Variants in GPR139 observed in about 807,000 individuals in gnomAD.
GPR139 encodes G protein-coupled receptor 139, also known as probable G protein-coupled receptor 139.
In GPR139, 12 loss-of-function variants were observed where a neutral mutation model predicts 25.8. The observed-to-expected ratio is 0.47, with a 90% CI of 0.30 to 0.75. GPR139 has a LOEUF of 0.75. GPR139 is among the 30% of genes least tolerant of loss of function. The pLI, the probability that GPR139 is intolerant of heterozygous loss-of-function variation, is 0.07. For missense variants in GPR139, 380 were observed against 450.2 expected (o/e 0.84, Z 1.41); for synonymous variants, 184 against 179.9 (o/e 1.02, Z -0.18).
intron 1 of GPR139, among the ~76,000 whole-genome samples, chr16:20,061,322 C>G (rs978156091): frequency 1.4e-5 from 2 of 142,900 alleles, no homozygotes; most frequent in African/African-American, 5.3e-5. Flanking sequence ...TGGATAGATG[C>G]GTGGATGGAT....
intron 1 of GPR139, among the ~76,000 whole-genome samples, chr16:20,065,249 T>A (rs934602989): frequency 6.6e-6 from 1 of 152,188 alleles, no homozygotes; most frequent in African/African-American, 2.4e-5. Context: ...TGTGAAACAA[T>A]GGACATTTCA....
At chr16:20,052,025 G>T in intron 1 of GPR139, among the ~76,000 whole-genome samples, 1 of 152,126 alleles carries the variant, frequency 6.6e-6, no homozygotes, top group East Asian at 1.9e-4. Context: ...TGGCCCCTTT[G>T]CCAGTCTCCA....
chr16:20,067,249 T>C (rs562898816), intron 1 of GPR139, among the ~76,000 whole-genome samples: 1 of 152,274 alleles, frequency 6.6e-6, no homozygotes, highest in East Asian at 1.9e-4. Flanking sequence ...AGCTACATCA[T>C]TGGTCTATGC....
At position 20,029,694 on chromosome 16, in the gene GPR139, G is replaced by C. The variant is rs1331806231; in HGVS notation, c.*2041C>G. On this transcript the variant is annotated 3_prime_UTR_variant, in exon 2 of 2. Coordinates refer to ENST00000570682, the MANE Select transcript of GPR139 (RefSeq NM_001002911.4). The stretch of plus-strand genomic sequence containing the variant: ...TCAATGAGCATACGCCCTGGGGAGC[G>C]TGGGAGATGGGAGATCTGTCCCTCA... Among the ~76,000 whole-genome samples the C allele has an allele frequency of 6.6e-6, 1 of 152,122 alleles. No individual in the cohort carries two copies. Among genetic ancestry groups the C allele is most frequent in the African/African-American group, 2.4e-5 (1 of 41,434 alleles).
At chr16:20,053,455 G>A (rs976685963) in intron 1 of GPR139, among the ~76,000 whole-genome samples, 1 of 152,322 alleles carries the variant, frequency 6.6e-6, no homozygotes, top group Admixed American at 6.5e-5. Flanking sequence ...GGCAGAGGGA[G>A]CCGCAAGTGA....
intron 1 of GPR139, among the ~76,000 whole-genome samples, chr16:20,040,013 A>G (rs2057324547): frequency 6.6e-6 from 1 of 151,992 alleles, no homozygotes; most frequent in Non-Finnish European, 1.5e-5. Flanking sequence ...CCTTCTTGGA[A>G]CCCAGTTGCC....
chr16:20,050,316 C>T (rs148631046), intron 1 of GPR139, among the ~76,000 whole-genome samples: 182 of 152,246 alleles, frequency 1.2e-3, no homozygotes, highest in African/African-American at 4.0e-3. Context: ...AAGCAAGAGA[C>T]GGGATGGCTG....
intron 1 of GPR139, among the ~76,000 whole-genome samples, chr16:20,037,817 G>C (rs1234652306): frequency 1.3e-5 from 2 of 152,124 alleles, no homozygotes; most frequent in Non-Finnish European, 2.9e-5. Flanking sequence ...CCTGTTCCTT[G>C]GGTTGCCCCT....
rs1214365023 is a variant in GPR139 at position 20,029,470 on chromosome 16, A to AAAATAAATAAAT, written c.*2253_*2264dup. Among the ~76,000 whole-genome samples, 13 of 136,798 alleles carry AAAATAAATAAAT rather than the reference A, an allele frequency of 9.5e-5. No individual in the cohort carries two copies. Among genetic ancestry groups the AAAATAAATAAAT allele is most frequent in the South Asian group, 4.7e-4 (2 of 4,244 alleles). The allele number at this position is 136,798 out of a possible 152,430, so 89.7% of individuals were successfully genotyped here. On this transcript the variant is annotated 3_prime_UTR_variant, in exon 2 of 2. Coordinates refer to ENST00000570682, the MANE Select transcript of GPR139 (RefSeq NM_001002911.4). Reference sequence around the variant, plus strand: ...GCATTTTTCAGAGCTACATGTTTAAAAAATAAATAAATAAATATATATATA... The same window carrying AAAATAAATAAAT: ...GCATTTTTCAGAGCTACATGTTTAAAAAATAAATAAATAAATAAATAAATAAATATATATATA...
intron 1 of GPR139, among the ~76,000 whole-genome samples, chr16:20,045,257 C>A (rs1387012095): frequency 6.6e-6 from 1 of 152,130 alleles, no homozygotes; most frequent in Non-Finnish European, 1.5e-5. Context: ...GCCTCGGCCT[C>A]CCAAAGTGCT....
intron 1 of GPR139, among the ~76,000 whole-genome samples, chr16:20,067,302 C>T (rs2057438042): frequency 6.6e-6 from 1 of 152,176 alleles, no homozygotes; most frequent in Non-Finnish European, 1.5e-5. Flanking sequence ...TATAGCAACA[C>T]AGCAGAACCT....
chr16:20,051,072 A>AAAAAAAAG lies in GPR139; in HGVS notation c.128-18404_128-18403insCTTTTTTT, dbSNP rs542691880. Among the ~76,000 whole-genome samples the AAAAAAAAG allele has an allele frequency of 7.2e-3, 1,049 of 145,530 alleles. 9 individuals carry two copies. The highest frequency in any genetic ancestry group is 0.032 in the East Asian group (153 of 4,780). On this transcript the variant is annotated intron_variant, in intron 1 of 1. Coordinates refer to ENST00000570682, the MANE Select transcript of GPR139 (RefSeq NM_001002911.4). Reference sequence around the variant, plus strand: ...AGCAAGACCCTGTTTCAAAAAAAAAAAAAGAAAGAAAGAAAGAAGAAGGAA... The same window carrying AAAAAAAAG: ...AGCAAGACCCTGTTTCAAAAAAAAAAAAAAAAAGAAAGAAAGAAAGAAAGAAGAAGGAA...
chr16:20,036,605 A>C lies in GPR139; in HGVS notation c.128-3936T>G, dbSNP rs180715996. Among the ~76,000 whole-genome samples the C allele has an allele frequency of 1.1e-4, 17 of 152,152 alleles. No homozygotes were observed. In the East Asian group the frequency reaches 3.3e-3, roughly 29 times the overall value. Reference sequence around the variant, plus strand: ...GAACTCCCCTTTATAAAACCATCAGATCTCATGAGACTTATTCACTATCAT... The same window carrying C: ...GAACTCCCCTTTATAAAACCATCAGCTCTCATGAGACTTATTCACTATCAT... On this transcript the variant is annotated intron_variant, in intron 1 of 1. Transcript: ENST00000570682.
chr16:20,068,185 T>C (rs1310454873), intron 1 of GPR139, among the ~76,000 whole-genome samples: 1 of 150,280 alleles, frequency 6.7e-6, no homozygotes, highest in Non-Finnish European at 1.5e-5. Flanking sequence ...AATGTGTGCC[T>C]GTTTATATTT....
chr16:20,071,738 T>C (rs756246843), intron 1 of GPR139, among the ~76,000 whole-genome samples: 5 of 152,100 alleles, frequency 3.3e-5, no homozygotes, highest in South Asian at 2.1e-4. Flanking sequence ...CACCTTGAGG[T>C]CTTTAAAGGC....
intron 1 of GPR139, among the ~76,000 whole-genome samples, chr16:20,064,914 T>G (rs577942338): frequency 1.3e-5 from 2 of 152,356 alleles, no homozygotes; most frequent in South Asian, 2.1e-4. Context: ...GCATGCAATG[T>G]GTGGTATTTT....
intron 1 of GPR139, among the ~76,000 whole-genome samples, chr16:20,060,157 G>C (rs914090825): frequency 6.6e-6 from 1 of 152,168 alleles, no homozygotes; most frequent in Admixed American, 6.5e-5. Context: ...CCGTGGAGCT[G>C]AACTGTGGTG....
chr16:20,036,150 T>G (rs1026562015), intron 1 of GPR139, among the ~76,000 whole-genome samples: 1 of 152,190 alleles, frequency 6.6e-6, no homozygotes, highest in Non-Finnish European at 1.5e-5. Context: ...AAAACTTTGG[T>G]GAAGGGCCCT....
chr16:20,042,844 T>A (rs2057340886), intron 1 of GPR139, among the ~76,000 whole-genome samples: 2 of 152,200 alleles, frequency 1.3e-5, no homozygotes, highest in African/African-American at 2.4e-5. Flanking sequence ...TCATGTTTCA[T>A]CTTCAGTCTA....
Sources: gnomAD v4.1 joint callset for allele counts (sites outside exome capture counted in the v4.1 genomes callset) on GRCh38, gnomAD v4.1.1 for gene constraint, MANE v1.5 for transcripts, NCBI Gene and HGNC (gene_info 2026-07-23, HGNC 2026-07-21) for gene names.